Variants in MAF observed in about 807,000 individuals in gnomAD.
The protein encoded by MAF is MAF bZIP transcription factor.
A neutral mutation model predicts 22.0 loss-of-function variants in MAF; 10 were observed. The observed-to-expected ratio is 0.45, with a 90% CI of 0.28 to 0.77. MAF has a LOEUF of 0.77. Ranked by LOEUF, MAF falls within the 30% of genes least tolerant of loss-of-function variation. MAF has a pLI of 0.12. For missense variants in MAF, 544 were observed against 548.4 expected (o/e 0.99, Z 0.08); for synonymous variants, 337 against 255.8 (o/e 1.32, Z -3.03).
At chr16:79,513,333 C>T in the MAF span, among the ~76,000 whole-genome samples, 3 of 152,200 alleles carry the variant, frequency 2.0e-5, no homozygotes, top group Admixed American at 6.5e-5. Context: ...TGGCCAAAAG[C>T]GTGTCACAAA....
chr16:79,488,834 C>A, the MAF span, among the ~76,000 whole-genome samples: 1 of 152,142 alleles, frequency 6.6e-6, no homozygotes, highest in South Asian at 2.1e-4. Flanking sequence ...TTCCCTTGAA[C>A]GTCACCTCAA....
At chr16:79,502,720 T>TAA in the MAF span, among the ~76,000 whole-genome samples, 37 of 23,598 alleles carry the variant, frequency 1.6e-3, no homozygotes, top group South Asian at 0.023. Flanking sequence ...TATATATATA[T>TAA]ATATATATAT....
At chr16:79,208,845 T>A in the MAF span, among the ~76,000 whole-genome samples, 1 of 152,272 alleles carries the variant, frequency 6.6e-6, no homozygotes, top group Non-Finnish European at 1.5e-5. Context: ...GGCTGAAAAT[T>A]CTCCAAGAGA....
the MAF span, among the ~76,000 whole-genome samples, chr16:79,286,134 C>A: frequency 6.6e-6 from 1 of 151,908 alleles, no homozygotes; most frequent in Non-Finnish European, 1.5e-5. Flanking sequence ...ACTAGTCAGC[C>A]CTTAATAAGC....
At chr16:79,345,016 A>G in the MAF span, among the ~76,000 whole-genome samples, 3 of 152,144 alleles carry the variant, frequency 2.0e-5, no homozygotes, top group African/African-American at 7.2e-5. Flanking sequence ...CCTGTGCCCC[A>G]GTTTACTTAG....
chr16:79,254,728 T>A, the MAF span, among the ~76,000 whole-genome samples: 1 of 152,290 alleles, frequency 6.6e-6, no homozygotes, highest in South Asian at 2.1e-4. Flanking sequence ...CCACTCAGTT[T>A]GTCACCTTTA....
the MAF span, among the ~76,000 whole-genome samples, chr16:79,282,087 G>A: frequency 3.3e-5 from 5 of 152,246 alleles, no homozygotes; most frequent in South Asian, 6.2e-4. Context: ...TGGATCACGA[G>A]GTCAGGAGTT....
At chr16:79,460,350 G>A in the MAF span, among the ~76,000 whole-genome samples, 1 of 152,228 alleles carries the variant, frequency 6.6e-6, no homozygotes, top group Middle Eastern at 3.4e-3. Context: ...ACGAAAAATG[G>A]ATAACCAATT....
the MAF span, among the ~76,000 whole-genome samples, chr16:79,573,288 T>C: frequency 1.3e-5 from 2 of 152,254 alleles, no homozygotes; most frequent in Non-Finnish European, 2.9e-5. Context: ...TCATCAAACT[T>C]ACCGAGCCTT....
chr16:79,281,651 C>T, the MAF span, among the ~76,000 whole-genome samples: 2 of 149,780 alleles, frequency 1.3e-5, no homozygotes, highest in African/African-American at 4.9e-5. Context: ...CAGGTTCAAG[C>T]GATTCTCCTT....
At chr16:79,429,316 G>T in the MAF span, among the ~76,000 whole-genome samples, 1 of 152,156 alleles carries the variant, frequency 6.6e-6, no homozygotes, top group African/African-American at 2.4e-5. Context: ...GAATTAACAG[G>T]CTGGGGCTGC....
chr16:79,565,123 C>T, the MAF span, among the ~76,000 whole-genome samples: 1 of 152,280 alleles, frequency 6.6e-6, no homozygotes, highest in African/African-American at 2.4e-5. Flanking sequence ...AGGGTGTTCA[C>T]ACCATTCAGA....
chr16:79,560,070 G>A, the MAF span, among the ~76,000 whole-genome samples: 49 of 152,146 alleles, frequency 3.2e-4, no homozygotes, highest in African/African-American at 1.1e-3. Context: ...ATGTGTGGCT[G>A]ATTATTTTTA....
chr16:79,285,474 T>C, the MAF span, among the ~76,000 whole-genome samples: 4 of 152,106 alleles, frequency 2.6e-5, no homozygotes, highest in Admixed American at 1.3e-4. Flanking sequence ...ATTTGGTCCC[T>C]GGACACCTAC....
At chr16:79,481,855 G>A in the MAF span, among the ~76,000 whole-genome samples, 7 of 152,332 alleles carry the variant, frequency 4.6e-5, no homozygotes, top group South Asian at 8.3e-4. Context: ...CTGGGTAGGG[G>A]AGACAGTCAC....
At chr16:79,260,822 T>G in the MAF span, among the ~76,000 whole-genome samples, 2 of 150,890 alleles carry the variant, frequency 1.3e-5, no homozygotes, top group Non-Finnish European at 2.9e-5. Context: ...TTGCTTAGAG[T>G]GAGGCCAAAT....
chr16:79,396,753 C>G, the MAF span, among the ~76,000 whole-genome samples: 4 of 152,194 alleles, frequency 2.6e-5, no homozygotes, highest in Admixed American at 2.6e-4. Flanking sequence ...CCTCCCATAC[C>G]CAGACACTCT....
At chr16:79,207,678 A>G in the MAF span, among the ~76,000 whole-genome samples, 1 of 152,224 alleles carries the variant, frequency 6.6e-6, no homozygotes, top group African/African-American at 2.4e-5. Context: ...TTAAATGAGC[A>G]TGCATTTTAA....
Position 79,599,157 on chromosome 16 carries a change from T to C in MAF, c.746A>G (p.His249Arg). ...GAAGTGCAGGCCGCCGGCGGCGTGG[T>C]GCGGGTGCAGGGCGCCCCCCGCCCC... ...AAGAGGALHP[H>R]HAAGGLHFDD... Residue 249 changes from histidine (H) to arginine (R), a missense_variant, in exon 1 of 2, where the codon CAC becomes CGC. Physicochemically the swap from His to Arg is conservative, Grantham distance 29 (BLOSUM62 0). Coordinates refer to ENST00000326043, the MANE Select transcript of MAF (RefSeq NM_005360.5). The C allele has an allele frequency of 6.5e-7, 1 of 1,534,710 alleles. No individual in the cohort carries two copies. The highest frequency in any genetic ancestry group is 1.2e-5 in the South Asian group (1 of 85,080).
Sources: allele counts gnomAD v4.1 joint callset (sites outside exome capture counted in the v4.1 genomes callset), GRCh38; gene constraint gnomAD v4.1.1; transcripts MANE v1.5; gene names NCBI Gene and HGNC (gene_info 2026-07-23, HGNC 2026-07-21).